Variants in SDK1 observed in about 807,000 individuals in gnomAD.
SDK1 encodes sidekick cell adhesion molecule 1.
SDK1 carries 157 observed loss-of-function variants against 245.5 expected under a neutral mutation model. The observed-to-expected ratio is 0.64, with a 90% CI of 0.56 to 0.73. SDK1 has a LOEUF of 0.73. SDK1 is among the 30% of genes least tolerant of loss of function. SDK1 has a pLI of 0.00. For synonymous variants in SDK1, 1,647 were observed against 1,278.5 expected (o/e 1.29, Z -6.15); for missense variants, 3,583 against 3,002.3 (o/e 1.19, Z -4.52).
chr7:3,966,234 A>G (rs1782071521), intron 9 of SDK1, among the ~76,000 whole-genome samples: 1 of 151,996 alleles, frequency 6.6e-6, no homozygotes, highest in Non-Finnish European at 1.5e-5. Context: ...CTTGGCAGTG[A>G]AGTTTCTGGG....
At chr7:3,378,275 T>A (rs942109482) in intron 1 of SDK1, among the ~76,000 whole-genome samples, 1 of 152,198 alleles carries the variant, frequency 6.6e-6, no homozygotes, top group Admixed American at 6.5e-5. Flanking sequence ...CCATAAAATA[T>A]ATGGTCTGCT....
chr7:3,435,321 CTTTTTTTTT>C (rs71029672), intron 1 of SDK1, among the ~76,000 whole-genome samples: 24 of 56,900 alleles, frequency 4.2e-4, no homozygotes, highest in African/African-American at 1.7e-3. Context: ...AGGGGACTGC[CTTTTTTTTT>C]TTTTTTTTTT....
chr7:3,488,194 C>G (rs181947153), intron 1 of SDK1, among the ~76,000 whole-genome samples: 1 of 152,020 alleles, frequency 6.6e-6, no homozygotes. Context: ...TTCTGCCTCC[C>G]GTTCCCTCTG....
chr7:3,454,417 T>TGC (rs1002655457), intron 1 of SDK1, among the ~76,000 whole-genome samples: 2 of 150,964 alleles, frequency 1.3e-5, no homozygotes, highest in Middle Eastern at 3.4e-3. Context: ...TGTGTGTGTG[T>TGC]GTGTGTGCTG....
intron 1 of SDK1, among the ~76,000 whole-genome samples, chr7:3,337,531 G>A (rs1027779436): frequency 2.0e-5 from 3 of 152,054 alleles, no homozygotes; most frequent in Non-Finnish European, 2.9e-5. Flanking sequence ...GAAAGCTGTA[G>A]ATCTAAGAAG....
intron 40 of SDK1, among the ~76,000 whole-genome samples, chr7:4,224,237 T>C (rs1157106441): frequency 6.6e-6 from 1 of 152,218 alleles, no homozygotes; most frequent in Non-Finnish European, 1.5e-5. Context: ...AAAGTTTAGT[T>C]GGCTCACAGT....
At chr7:4,092,372 A>T (rs12701400) in intron 22 of SDK1, among the ~76,000 whole-genome samples, 37,256 of 152,036 alleles carry the variant, frequency 0.25, 5,228 homozygotes, top group African/African-American at 0.37. Context: ...TTCTCTGAGA[A>T]TGTCCCATGG....
chr7:4,052,161 T>C (rs1778896096), intron 19 of SDK1, among the ~76,000 whole-genome samples: 1 of 123,268 alleles, frequency 8.1e-6, no homozygotes, highest in Non-Finnish European at 1.6e-5. Flanking sequence ...CTCACCTGCT[T>C]CCATGATCCC....
chr7:3,927,167 A>C (rs1779801703), intron 5 of SDK1, among the ~76,000 whole-genome samples: 1 of 152,168 alleles, frequency 6.6e-6, no homozygotes, highest in Non-Finnish European at 1.5e-5. Flanking sequence ...ATCTTACTGA[A>C]CCAGGTCTGA....
chr7:3,682,620 A>AT (rs1174649689), intron 4 of SDK1, among the ~76,000 whole-genome samples: 1 of 16,004 alleles, frequency 6.2e-5, no homozygotes, highest in Non-Finnish European at 1.5e-4. Context: ...TTTCTTGAGA[A>AT]TTTTTTTCTT....
intron 4 of SDK1, among the ~76,000 whole-genome samples, chr7:3,679,103 A>G (rs2114980981): frequency 6.6e-6 from 1 of 152,354 alleles, no homozygotes; most frequent in Non-Finnish European, 1.5e-5. Flanking sequence ...AAATAAATTG[A>G]ATTTGATCAA....
rs111932977 is a variant in SDK1, at chr7:3,506,716, C to T, written c.299-112364C>T. ...TATTCAGATTCACTGATCTTTTCTT[C>T]TCCTATATTTATATGCATTTAACTA... On this transcript the variant is annotated intron_variant, in intron 1 of 44. Transcript: ENST00000404826. Among the ~76,000 whole-genome samples, 1,272 of 152,146 alleles carry T rather than the reference C, an allele frequency of 8.4e-3. 21 individuals are homozygous for T. The highest frequency in any genetic ancestry group is 0.029 in the African/African-American group (1,194 of 41,520).
chr7:3,861,486 A>G, intron 5 of SDK1, among the ~76,000 whole-genome samples: 1 of 152,128 alleles, frequency 6.6e-6, no homozygotes, highest in Non-Finnish European at 1.5e-5. Context: ...AACAGTTTCC[A>G]CTGACCCCCT....
At chr7:3,475,455 C>T (rs1212512990) in intron 1 of SDK1, among the ~76,000 whole-genome samples, 2 of 152,344 alleles carry the variant, frequency 1.3e-5, no homozygotes, top group East Asian at 3.9e-4. Flanking sequence ...GTCTCTCTCA[C>T]TTGGTGCTGC....
intron 1 of SDK1, among the ~76,000 whole-genome samples, chr7:3,415,663 G>C (rs533182023): frequency 6.6e-6 from 1 of 150,902 alleles, no homozygotes; most frequent in Non-Finnish European, 1.5e-5. Flanking sequence ...CCCTACTTCT[G>C]AGCTGCAAAC....
chr7:4,244,095 C>T (rs1370130024), intron 43 of SDK1, among the ~76,000 whole-genome samples: 1 of 152,120 alleles, frequency 6.6e-6, no homozygotes, highest in Non-Finnish European at 1.5e-5. Flanking sequence ...TGAGGCACAC[C>T]CTGGGGGAGA....
intron 13 of SDK1, among the ~76,000 whole-genome samples, chr7:3,983,416 C>T (rs1783569980): frequency 6.6e-6 from 1 of 152,194 alleles, no homozygotes; most frequent in Non-Finnish European, 1.5e-5. Flanking sequence ...CCATCAACAT[C>T]CAAGCAGGAC....
chr7:3,611,997 A>G (rs1031202179), intron 1 of SDK1, among the ~76,000 whole-genome samples: 2 of 152,152 alleles, frequency 1.3e-5, no homozygotes, highest in Admixed American at 6.5e-5. Flanking sequence ...TAACTGGGGA[A>G]TGGAAAACCA....
At position 4,250,171 on chromosome 7, in the gene SDK1, T is replaced by C. The variant is rs188054277; in HGVS notation, c.6381+4366T>C. On this transcript the variant is annotated intron_variant, in intron 44 of 44. Coordinates refer to ENST00000404826, the MANE Select transcript of SDK1 (RefSeq NM_152744.4). Reference sequence around the variant, plus strand: ...TATGATGTCTTTTGTGACTGGCTTCTTTCCCTTAGCATGATGATTGCAACG... The same window carrying C: ...TATGATGTCTTTTGTGACTGGCTTCCTTCCCTTAGCATGATGATTGCAACG... 2.8e-4 allele frequency among the ~76,000 whole-genome samples: 43 copies of C among 152,334 alleles called. 1 individual carries two copies. The East Asian group carries it at 6.2e-3, about 22-fold the overall frequency.
Sources: gnomAD v4.1 joint callset for allele counts (sites outside exome capture counted in the v4.1 genomes callset) on GRCh38, gnomAD v4.1.1 for gene constraint, MANE v1.5 for transcripts, NCBI Gene and HGNC (gene_info 2026-07-23, HGNC 2026-07-21) for gene names.